The following PTPN12 variants were observed in gnomAD, a reference collection of about 807,000 sequenced individuals.
PTPN12 encodes the protein tyrosine-protein phosphatase non-receptor type 12.
Under a neutral mutation model 97.6 loss-of-function variants are expected in PTPN12, and 29 were observed. The ratio of observed to expected loss-of-function variants is 0.30; its 90% CI spans 0.22 to 0.41. The LOEUF (loss-of-function observed/expected upper bound fraction) is 0.41. Ranked by LOEUF, PTPN12 falls within the 10% of genes least tolerant of loss-of-function variation. The pLI is 1.00. For synonymous variants in PTPN12, 327 were observed against 300.4 expected (o/e 1.09, Z -0.91); for missense variants, 819 against 926.0 (o/e 0.88, Z 1.50).
chr7:77,628,155 A>G (rs1413613587), intron 13 of PTPN12, among the ~76,000 whole-genome samples: 1 of 152,156 alleles, frequency 6.6e-6, no homozygotes, highest in Non-Finnish European at 1.5e-5. Context: ...TACTGTCTTC[A>G]CAAATGCTTC....
rs147435345 is a variant in PTPN12 at position 77,600,456 on chromosome 7, A to G, written c.553-208A>G. ...GGATGGTATTAACAGTACTTTCCTCATGGAAATTAAATTGTTACATGTGAA... is the reference window on the plus strand; with the variant it reads ...GGATGGTATTAACAGTACTTTCCTCGTGGAAATTAAATTGTTACATGTGAA... On this transcript the variant is annotated intron_variant, in intron 7 of 17. Coordinates refer to ENST00000248594, the MANE Select transcript of PTPN12 (RefSeq NM_002835.4). 4.6e-5 allele frequency among the ~76,000 whole-genome samples: 7 copies of G among 152,338 alleles called. No homozygotes were observed. In the East Asian group the frequency reaches 1.3e-3, roughly 29 times the overall value.
intron 11 of PTPN12, among the ~76,000 whole-genome samples, chr7:77,617,163 AT>A (rs1388440686): frequency 1.3e-5 from 2 of 152,100 alleles, no homozygotes; most frequent in African/African-American, 4.8e-5. Context: ...AAAAGTCCTG[AT>A]TTGCGTGAGG....
At chr7:77,616,203 C>T (rs963049243) in intron 11 of PTPN12, among the ~76,000 whole-genome samples, 2 of 152,094 alleles carry the variant, frequency 1.3e-5, no homozygotes, top group Non-Finnish European at 2.9e-5. Flanking sequence ...AAAATCTTAC[C>T]AATCCCTCAA....
Position 77,537,498 on chromosome 7 carries a change from GGGCGGGC to G in PTPN12, c.-42_-36del. The G allele has an allele frequency of 6.5e-7, 1 of 1,534,636 alleles. No individual in the cohort carries two copies. The highest frequency in any genetic ancestry group is 1.4e-5 in the African/African-American group (1 of 69,958). ...AGACGGAGCGGGCTCTGTGCCGGGC[GGGCGGGC>G]GGCGGGGGGGCCAGCGACCGCAGCC... On this transcript the variant is annotated 5_prime_UTR_variant, in exon 1 of 18. Coordinates refer to ENST00000248594, the MANE Select transcript of PTPN12 (RefSeq NM_002835.4).
At chr7:77,607,513 G>A (rs558066484) in intron 9 of PTPN12, among the ~76,000 whole-genome samples, 58 of 152,316 alleles carry the variant, frequency 3.8e-4, no homozygotes, top group South Asian at 8.3e-4. Flanking sequence ...TGGGAGGATC[G>A]CTTGAGCCCT....
chr7:77,597,221 T>C (rs550251713), intron 6 of PTPN12, among the ~76,000 whole-genome samples: 105 of 152,274 alleles, frequency 6.9e-4, no homozygotes, highest in Non-Finnish European at 1.2e-3. Context: ...CCTCCTGGGT[T>C]CAAGCAATTC....
At chr7:77,592,349 A>G in intron 6 of PTPN12, 93 bp downstream of exon 6, 2 of 1,089,776 alleles carry the variant, frequency 1.8e-6, no homozygotes, top group South Asian at 1.5e-5. Context: ...ACCCAGGCTT[A>G]TAGACGCCAA....
intron 5 of PTPN12, among the ~76,000 whole-genome samples, chr7:77,586,068 C>A (rs1431910972): frequency 6.6e-6 from 1 of 152,140 alleles, no homozygotes; most frequent in Non-Finnish European, 1.5e-5. Context: ...ACTCTCCTGC[C>A]TTAGCCTTCT....
chr7:77,606,661 A>T (rs1435038643), intron 8 of PTPN12, among the ~76,000 whole-genome samples: 2 of 152,244 alleles, frequency 1.3e-5, no homozygotes, highest in African/African-American at 4.8e-5. Context: ...AAAAATATCA[A>T]ATGGAAAATT....
chr7:77,602,330 T>G (rs1449487965), intron 8 of PTPN12, among the ~76,000 whole-genome samples: 1 of 152,216 alleles, frequency 6.6e-6, no homozygotes, highest in African/African-American at 2.4e-5. Context: ...ATAATACATA[T>G]GCACATATAT....
intron 16 of PTPN12, 105 bp from the exon 17 acceptor site, chr7:77,638,519 A>G: frequency 7.5e-7 from 1 of 1,333,920 alleles, no homozygotes; most frequent in Non-Finnish European, 9.6e-7. Context: ...CCAGGAGAGA[A>G]AGTTTTCTCT....
At position 77,611,124 on chromosome 7, in the gene PTPN12, T is replaced by A. The variant is rs1267061622; in HGVS notation, c.939+78T>A. ...GTAATATTTAGCCTTTTTTTTGTTGTCTTGTGTTTTGTCTAACATGAGAAG... is the reference window on the plus strand; with the variant it reads ...GTAATATTTAGCCTTTTTTTTGTTGACTTGTGTTTTGTCTAACATGAGAAG... On this transcript the variant is annotated intron_variant, in intron 11 of 17. Coordinates refer to ENST00000248594, the MANE Select transcript of PTPN12 (RefSeq NM_002835.4). The A allele has an allele frequency of 5.3e-6, 6 of 1,135,434 alleles. No individual in the cohort carries two copies. The East Asian group carries it at 1.2e-4, about 22-fold the overall frequency. 70.3% of individuals were successfully genotyped at this position (1,135,434 alleles called of 1,614,324 possible).
At chr7:77,554,251 C>G (rs1807602886) in intron 1 of PTPN12, among the ~76,000 whole-genome samples, 1 of 152,228 alleles carries the variant, frequency 6.6e-6, no homozygotes, top group Admixed American at 6.5e-5. Context: ...AGGCATGAGC[C>G]ACTGTGCCCA....
At chr7:77,622,017 C>T (rs1413486470) in intron 12 of PTPN12, among the ~76,000 whole-genome samples, 1 of 152,182 alleles carries the variant, frequency 6.6e-6, no homozygotes. Context: ...GGCTGGAGTG[C>T]AGTGGTGTGA....
chr7:77,622,890 A>C (rs1385272696), intron 12 of PTPN12, among the ~76,000 whole-genome samples: 1 of 146,740 alleles, frequency 6.8e-6, no homozygotes, highest in African/African-American at 2.4e-5. Context: ...CATTCATTTC[A>C]AGAAAATGAA....
chr7:77,615,466 G>A (rs780342223), intron 11 of PTPN12, among the ~76,000 whole-genome samples: 2 of 152,196 alleles, frequency 1.3e-5, no homozygotes, highest in Non-Finnish European at 2.9e-5. Flanking sequence ...CACAGGCTAG[G>A]CGCCGTGGCT....
In PTPN12 at chr7:77,584,766, A is replaced by G. The variant is rs148631270; in HGVS notation, c.382-777A>G. Among the ~76,000 whole-genome samples, 1,494 of 151,964 alleles carry G rather than the reference A, an allele frequency of 9.8e-3. 29 individuals are homozygous for G. Among genetic ancestry groups the G allele is most frequent in the African/African-American group, 0.035 (1,444 of 41,416 alleles). On this transcript the variant is annotated intron_variant, in intron 4 of 17. Transcript: ENST00000248594. Reference sequence around the variant, plus strand: ...GTGGCGGGCGCCTGTAGTCCCAGCTACTCAGCAGGCTAAGGCAGGAGAATG... The same window carrying G: ...GTGGCGGGCGCCTGTAGTCCCAGCTGCTCAGCAGGCTAAGGCAGGAGAATG...
intron 7 of PTPN12, among the ~76,000 whole-genome samples, chr7:77,598,804 T>A (rs1584168396): frequency 6.6e-6 from 1 of 151,098 alleles, no homozygotes; most frequent in Admixed American, 6.6e-5. Context: ...ATCTGCAAAA[T>A]GCAAATAATA....
Position 77,618,557 on chromosome 7 carries a change from G to A in PTPN12, c.1017G>A (p.Arg339=). 1 of 1,599,270 alleles carries A rather than the reference G, an allele frequency of 6.3e-7. No individual in the cohort carries two copies. Residue 339 remains arginine, a synonymous_variant, in exon 12 of 18, where the codon AGG becomes AGA. Transcript: ENST00000248594. ...KQDSPPPKPP[R]TRSCLVEGDA... is the part of the protein sequence containing the mutation. ...ATTCTCCTCCTCCAAAACCACCAAG[G>A]ACCCGCAGGTATTGTATGTCTTCGA...
Sources: allele counts gnomAD v4.1 joint callset (sites outside exome capture counted in the v4.1 genomes callset), GRCh38; gene constraint gnomAD v4.1.1; transcripts MANE v1.5; gene names NCBI Gene and HGNC (gene_info 2026-07-23, HGNC 2026-07-21).